Variants in SCAPER observed in about 807,000 individuals in gnomAD.
SCAPER encodes S phase cyclin A-associated protein in the endoplasmic reticulum.
Under a neutral mutation model 182.2 loss-of-function variants are expected in SCAPER, and 98 were observed. The ratio of observed to expected loss-of-function variants is 0.54; its 90% CI spans 0.46 to 0.64. The LOEUF (loss-of-function observed/expected upper bound fraction) is 0.64. Among genes scored for constraint, SCAPER ranks in the 30% least tolerant of loss-of-function variants. The probability of loss-of-function intolerance (pLI) is 0.00; values close to 1 mark genes in which losing one functional copy is unlikely to be tolerated. For synonymous variants in SCAPER, 605 were observed against 564.6 expected, an observed-to-expected ratio of 1.07 and a Z score of -1.01; for missense variants, 1,432 against 1,690.0, an observed-to-expected ratio of 0.85 and a Z score of 2.68.
At chr15:76,687,934 A>G (rs572759798) in intron 20 of SCAPER, among the ~76,000 whole-genome samples, 2 of 152,346 alleles carry the variant, frequency 1.3e-5, no homozygotes, top group East Asian at 3.9e-4. Flanking sequence ...ACAATGTTTT[A>G]TAATCCTTTG....
intron 1 of SCAPER, among the ~76,000 whole-genome samples, chr15:76,894,400 C>A (rs568518589): frequency 3.3e-5 from 5 of 151,952 alleles, no homozygotes; most frequent in Non-Finnish European, 5.9e-5. Context: ...CTAGTCTCTA[C>A]GTTCCAGCCT....
chr15:76,775,019 C>T lies in SCAPER; in HGVS notation c.871G>A (p.Ala291Thr), dbSNP rs1404148528. The change falls in exon 9 of 32, where the codon GCC becomes ACC. Residue 291 changes from alanine to threonine, a missense_variant. By Grantham distance (58) the Ala-to-Thr change is moderately conservative. Around this residue, in one of 5 missense-constraint regions of SCAPER, gnomAD observed 480 missense variants for 510.2 expected, o/e 0.94. Transcript: ENST00000563290. Reference protein sequence around the residue: ...VMPKVSLATEATRSKDDSDKE... With the variant: ...VMPKVSLATETTRSKDDSDKE... The stretch of plus-strand genomic sequence containing the variant: ...TCACTGTCATCCTTTGATCTTGTGG[C>T]TTCTGTTGCCAATGAAACTTTTGGC... 5 of 1,613,778 alleles carry T rather than the reference C, an allele frequency of 3.1e-6. No homozygotes were observed. Among genetic ancestry groups the T allele is most frequent in the Non-Finnish European group, 4.2e-6 (5 of 1,179,768 alleles).
intron 29 of SCAPER, among the ~76,000 whole-genome samples, chr15:76,372,094 C>T (rs546583637): frequency 3.9e-5 from 6 of 152,076 alleles, no homozygotes; most frequent in South Asian, 2.1e-4. Flanking sequence ...CAGATGTAAA[C>T]TGACCTCTGT....
At chr15:76,728,846 T>C (rs1008947003) in intron 16 of SCAPER, 109 bp from the exon 17 acceptor site, 8 of 1,192,406 alleles carry the variant, frequency 6.7e-6, no homozygotes, top group African/African-American at 3.1e-5. Flanking sequence ...AGTAGAAACA[T>C]GGGCTTGCCA....
intron 26 of SCAPER, among the ~76,000 whole-genome samples, chr15:76,427,512 G>C (rs1355557540): frequency 6.6e-6 from 1 of 152,094 alleles, no homozygotes; most frequent in African/African-American, 2.4e-5. Flanking sequence ...ACCACAATGA[G>C]ATACCAGCCC....
At chr15:76,843,813 T>C (rs895186953) in intron 4 of SCAPER, among the ~76,000 whole-genome samples, 17 of 151,832 alleles carry the variant, frequency 1.1e-4, no homozygotes, top group African/African-American at 3.6e-4. Context: ...AAAAAAATCA[T>C]AGAGGCTGGT....
At chr15:76,614,384 C>T (rs748371814) in intron 22 of SCAPER, among the ~76,000 whole-genome samples, 101 of 152,056 alleles carry the variant, frequency 6.6e-4, no homozygotes, top group Non-Finnish European at 5.0e-4. Flanking sequence ...ACTTGTAACC[C>T]TGAACTTAAA....
Position 76,569,172 on chromosome 15 carries a change from T to C in SCAPER, c.2838+4986A>G, listed in dbSNP as rs116130396. 8.2e-3 allele frequency among the ~76,000 whole-genome samples: 1,244 copies of C among 152,252 alleles called. 14 individuals carry two copies. Among genetic ancestry groups the C allele is most frequent in the African/African-American group, 0.028 (1,179 of 41,566 alleles). On this transcript the variant is annotated intron_variant, in intron 23 of 31. Transcript: ENST00000563290. ...TTCAACATTTCACCAGTAAATATTATTTTGCTATAATTTTTTTGGTAGATT... is the reference window on the plus strand; with the variant it reads ...TTCAACATTTCACCAGTAAATATTACTTTGCTATAATTTTTTTGGTAGATT...
At chr15:76,710,457 A>C (rs1175567937) in intron 17 of SCAPER, among the ~76,000 whole-genome samples, 1 of 152,138 alleles carries the variant, frequency 6.6e-6, no homozygotes, top group Non-Finnish European at 1.5e-5. Context: ...TGTAGAATGA[A>C]ATAAATTAAA....
At chr15:76,628,231 G>A (rs1338574001) in intron 21 of SCAPER, among the ~76,000 whole-genome samples, 2 of 152,120 alleles carry the variant, frequency 1.3e-5, no homozygotes, top group African/African-American at 4.8e-5. Flanking sequence ...TCTGTAGGTT[G>A]CCTGTTTGCT....
intron 29 of SCAPER, among the ~76,000 whole-genome samples, chr15:76,368,134 T>C (rs1312440910): frequency 1.3e-5 from 2 of 152,234 alleles, no homozygotes; most frequent in Admixed American, 6.5e-5. Flanking sequence ...CAGAAAGTCC[T>C]TGAGTGCTGG....
At chr15:76,536,314 A>G (rs902056412) in intron 23 of SCAPER, among the ~76,000 whole-genome samples, 2 of 152,194 alleles carry the variant, frequency 1.3e-5, no homozygotes, top group South Asian at 2.1e-4. Context: ...GGCAACATAG[A>G]GAGACCTTGT....
At position 76,537,299 on chromosome 15, in the gene SCAPER, G is replaced by A. The variant is rs1057196967; in HGVS notation, c.2839-32325C>T. ...AAAAGAACAAAGCTGGAGGCATCACGCTACCTGACTTCAAACTATACTGCA... is the reference window on the plus strand; with the variant it reads ...AAAAGAACAAAGCTGGAGGCATCACACTACCTGACTTCAAACTATACTGCA... On this transcript the variant is annotated intron_variant, in intron 23 of 31. Transcript: ENST00000563290. Among the ~76,000 whole-genome samples the A allele has an allele frequency of 1.7e-3, 256 of 151,728 alleles. 1 individual carries two copies. Among genetic ancestry groups the A allele is most frequent in the Non-Finnish European group, 2.8e-3 (189 of 67,934 alleles).
At chr15:76,425,085 AATT>A (rs1476509316) in intron 26 of SCAPER, among the ~76,000 whole-genome samples, 2 of 152,174 alleles carry the variant, frequency 1.3e-5, no homozygotes, top group Non-Finnish European at 2.9e-5. Flanking sequence ...TGAATCTGAC[AATT>A]ATGTGTCTTG....
At chr15:76,426,136 A>G (rs2046407366) in intron 26 of SCAPER, among the ~76,000 whole-genome samples, 1 of 152,086 alleles carries the variant, frequency 6.6e-6, no homozygotes, top group Admixed American at 6.5e-5. Flanking sequence ...ACTCATTTCA[A>G]AGCTGTCAGA....
At chr15:76,802,627 C>T (rs2065878411) in intron 6 of SCAPER, among the ~76,000 whole-genome samples, 1 of 152,132 alleles carries the variant, frequency 6.6e-6, no homozygotes, top group Admixed American at 6.5e-5. Flanking sequence ...CCCGGGAATC[C>T]AGCCCTTCTG....
At chr15:76,384,689 TG>T (rs1406159294) in intron 27 of SCAPER, among the ~76,000 whole-genome samples, 1 of 152,206 alleles carries the variant, frequency 6.6e-6, no homozygotes, top group Non-Finnish European at 1.5e-5. Context: ...CCATTCATGT[TG>T]AAGAGAGCCC....
Position 76,819,022 on chromosome 15 carries a change from G to A in SCAPER, c.394-14389C>T, listed in dbSNP as rs112114275. 7.8e-3 allele frequency among the ~76,000 whole-genome samples: 1,193 copies of A among 152,314 alleles called. 11 individuals carry two copies. The highest frequency in any genetic ancestry group is 0.027 in the African/African-American group (1,132 of 41,560). The stretch of plus-strand genomic sequence containing the variant: ...GCAGTCGGAGATCAAACTGCAAGGC[G>A]GCAGCGAGGCAGGGGGAGGAGCACC... On this transcript the variant is annotated intron_variant, in intron 5 of 31. Coordinates refer to ENST00000563290, the MANE Select transcript of SCAPER (RefSeq NM_020843.4).
chr15:76,688,598 T>G (rs948993460), intron 20 of SCAPER, among the ~76,000 whole-genome samples: 2 of 152,176 alleles, frequency 1.3e-5, no homozygotes, highest in African/African-American at 4.8e-5. Flanking sequence ...CATCTTGAGT[T>G]AATTTTTGCG....
Sources: gnomAD v4.1 joint callset for allele counts (sites outside exome capture counted in the v4.1 genomes callset) on GRCh38, gnomAD v4.1.1 for gene constraint, gnomAD v4.1.1 regional missense constraint, MANE v1.5 for transcripts, NCBI Gene and HGNC (gene_info 2026-07-23, HGNC 2026-07-21) for gene names.